Variants in ADAM12 observed in about 807,000 individuals in gnomAD.
The protein encoded by ADAM12 is disintegrin and metalloproteinase domain-containing protein 12.
ADAM12 carries 70 observed loss-of-function variants against 106.4 expected under a neutral mutation model. The observed-to-expected ratio is 0.66, with a 90% CI of 0.54 to 0.80. The LOEUF (loss-of-function observed/expected upper bound fraction) is 0.80, where lower values mean the gene tolerates loss of function less well. Among genes scored for constraint, ADAM12 ranks in the 30% least tolerant of loss-of-function variants. ADAM12 has a pLI of 0.00. For synonymous variants in ADAM12, 420 were observed against 433.5 expected (o/e 0.97, Z 0.39); for missense variants, 1,010 against 1,171.9 (o/e 0.86, Z 2.02).
intron 2 of ADAM12, among the ~76,000 whole-genome samples, chr10:126,317,005 T>C (rs1853900977): frequency 6.6e-6 from 1 of 152,278 alleles, no homozygotes; most frequent in East Asian, 1.9e-4. Context: ...ATTAATGATG[T>C]GATTGCTTTT....
chr10:126,093,840 C>T (rs1871054), intron 11 of ADAM12, 145 bp downstream of exon 11: 633,855 of 1,293,756 alleles, frequency 0.49, 156,911 homozygotes, highest in Middle Eastern at 0.57. Context: ...CACAGGCCAC[C>T]CTTGCTTCTT....
intron 7 of ADAM12, among the ~76,000 whole-genome samples, 161 bp downstream of exon 7, chr10:126,109,614 C>T (rs1362069238): frequency 6.6e-6 from 1 of 152,226 alleles, no homozygotes; most frequent in African/African-American, 2.4e-5. Flanking sequence ...ATATTGTATG[C>T]TTTATAAAAT....
intron 11 of ADAM12, among the ~76,000 whole-genome samples, chr10:126,075,534 G>C (rs535604888): frequency 5.2e-4 from 79 of 152,296 alleles, no homozygotes; most frequent in African/African-American, 1.8e-3. Flanking sequence ...GAGTTAGAAA[G>C]AGTAGAATTA....
At chr10:126,168,229 T>C (rs5024595) in intron 3 of ADAM12, among the ~76,000 whole-genome samples, 14,899 of 152,200 alleles carry the variant, frequency 0.098, 2,097 homozygotes, top group African/African-American at 0.31. Flanking sequence ...TGCAGAATGT[T>C]TGGGCTGATA....
intron 6 of ADAM12, among the ~76,000 whole-genome samples, chr10:126,111,728 T>A (rs1955871997): frequency 6.6e-6 from 1 of 152,206 alleles, no homozygotes; most frequent in Non-Finnish European, 1.5e-5. Flanking sequence ...CAGAGAAGTC[T>A]ACATTTTCTC....
chr10:126,049,820 A>G lies in ADAM12; in HGVS notation c.1610-151T>C. 1.4e-6 allele frequency: 1 copy of G among 692,280 alleles called. No individual in the cohort carries two copies. The highest frequency in any genetic ancestry group is 2.4e-6 in the Non-Finnish European group (1 of 416,552). 42.9% of individuals were successfully genotyped at this position (692,280 alleles called of 1,614,324 possible). A position where few individuals can be genotyped will look rare whatever the true frequency, so the allele number is the denominator to read the frequency against. On this transcript the variant is annotated intron_variant, in intron 14 of 22. Coordinates refer to ENST00000448723, the MANE Select transcript of ADAM12 (RefSeq NM_001288973.2). This position sits in a 1 kb window ranked among gnomAD's most constrained non-coding sequence, Gnocchi z 4.4. ...CTCATGGTGGGAGCTGGCCAGGGGA[A>G]GCCTAGGGTGTCAGCAGCTCGCATC...
chr10:126,188,060 G>T (rs1957431197), intron 3 of ADAM12, among the ~76,000 whole-genome samples: 1 of 152,182 alleles, frequency 6.6e-6, no homozygotes, highest in South Asian at 2.1e-4. Flanking sequence ...GGCTGTGAAG[G>T]GGCAATGACA....
chr10:126,333,286 A>G (rs774431898), intron 1 of ADAM12, among the ~76,000 whole-genome samples: 7 of 152,236 alleles, frequency 4.6e-5, no homozygotes, highest in African/African-American at 1.7e-4. Context: ...GCAGAGAAAG[A>G]GTTCCAAAAC....
rs1351143163 is a variant in ADAM12, at chr10:126,052,961, T to C, written c.1610-3292A>G. Among the ~76,000 whole-genome samples the C allele has an allele frequency of 5.3e-5, 8 of 152,298 alleles. 1 individual carries two copies. The South Asian group carries it at 1.2e-3, about 24-fold the overall frequency. Reference sequence around the variant, plus strand: ...CCCCACCAAGTCTCATGTAGAATTATAATTCCCAATGTTGGAGGTAGGACC... The same window carrying C: ...CCCCACCAAGTCTCATGTAGAATTACAATTCCCAATGTTGGAGGTAGGACC... On this transcript the variant is annotated intron_variant, in intron 14 of 22. Transcript: ENST00000448723.
intron 1 of ADAM12, among the ~76,000 whole-genome samples, chr10:126,352,341 T>A (rs72830712): frequency 0.069 from 10,578 of 152,244 alleles, 697 homozygotes; most frequent in East Asian, 0.25. Flanking sequence ...TTATGTCAAG[T>A]GATACTGGCC....
chr10:126,197,318 G>A (rs984233079), intron 3 of ADAM12, among the ~76,000 whole-genome samples: 5 of 152,218 alleles, frequency 3.3e-5, no homozygotes, highest in South Asian at 2.1e-4. Flanking sequence ...ATCTGTCCTC[G>A]AATCCCTGAG....
rs201514340 is a variant in ADAM12 at position 126,386,674 on chromosome 10, CA to C, written c.88+1383del. ...GCTGGATTTAATAAACATTTTCTTC[CA>C]AAAAAAAAATTTGTCCCTGCTCAGT... is the stretch of plus-strand genomic sequence containing the variant. On this transcript the variant is annotated intron_variant, in intron 1 of 22. Coordinates refer to ENST00000448723, the MANE Select transcript of ADAM12 (RefSeq NM_001288973.2). 5.9e-4 allele frequency among the ~76,000 whole-genome samples: 88 copies of C among 149,814 alleles called. 1 individual carries two copies. The highest frequency in any genetic ancestry group is 3.4e-3 in the Middle Eastern group (1 of 290).
chr10:126,353,694 G>A (rs1474388964), intron 1 of ADAM12, among the ~76,000 whole-genome samples: 1 of 152,156 alleles, frequency 6.6e-6, no homozygotes, highest in African/African-American at 2.4e-5. Flanking sequence ...CACTATTTGT[G>A]AATAGACAAA....
At position 126,113,833 on chromosome 10, in the gene ADAM12, A is replaced by G. The variant is rs1206933172; in HGVS notation, c.604-3993T>C. On this transcript the variant is annotated intron_variant, in intron 6 of 22. Transcript: ENST00000448723. Reference sequence around the variant, plus strand: ...CAGCAAGGAGGCCATGCAGTCGTCCAGGTGAGAGGTGACAGTCATGATGGA... The same window carrying G: ...CAGCAAGGAGGCCATGCAGTCGTCCGGGTGAGAGGTGACAGTCATGATGGA... Among the ~76,000 whole-genome samples, 4 of 149,922 alleles carry G rather than the reference A, an allele frequency of 2.7e-5. No individual in the cohort carries two copies. In the East Asian group the frequency reaches 7.8e-4, roughly 29 times the overall value.
chr10:126,111,611 C>T (rs770822911), intron 6 of ADAM12, among the ~76,000 whole-genome samples: 9 of 152,172 alleles, frequency 5.9e-5, no homozygotes, highest in African/African-American at 9.7e-5. Context: ...GTGAAATAAA[C>T]GACCATGGGA....
intron 9 of ADAM12, among the ~76,000 whole-genome samples, chr10:126,100,365 A>C (rs10510150): frequency 0.18 from 27,435 of 151,976 alleles, 3,539 homozygotes; most frequent in African/African-American, 0.36. Flanking sequence ...GTCCTTAGAT[A>C]TTGTATAAAC....
At chr10:126,166,687 T>TG (rs1957030959) in intron 3 of ADAM12, among the ~76,000 whole-genome samples, 1 of 152,102 alleles carries the variant, frequency 6.6e-6, no homozygotes, top group African/African-American at 2.4e-5. Flanking sequence ...TTAGTAGAGA[T>TG]GGGGTTTCAC....
chr10:126,308,265 G>A (rs1960935379), intron 2 of ADAM12, among the ~76,000 whole-genome samples: 1 of 152,166 alleles, frequency 6.6e-6, no homozygotes, highest in Non-Finnish European at 1.5e-5. Flanking sequence ...GTACTCTTTA[G>A]CTTTCTTGCC....
intron 3 of ADAM12, among the ~76,000 whole-genome samples, chr10:126,250,638 T>A (rs1958728126): frequency 6.6e-6 from 1 of 152,216 alleles, no homozygotes; most frequent in African/African-American, 2.4e-5. Flanking sequence ...TCTGAAGCCA[T>A]CATTAGCTTT....
Sources: gnomAD v4.1 joint callset for allele counts (sites outside exome capture counted in the v4.1 genomes callset) on GRCh38, gnomAD v4.1.1 for gene constraint, Gnocchi (gnomAD v3.1) non-coding constraint, MANE v1.5 for transcripts, NCBI Gene and HGNC (gene_info 2026-07-23, HGNC 2026-07-21) for gene names.